Variants in SLC30A8 observed in about 807,000 individuals in gnomAD.
SLC30A8 encodes the protein solute carrier family 30 member 8, also known as proton-coupled zinc antiporter SLC30A8.
In SLC30A8, 27 loss-of-function variants were observed where a neutral mutation model predicts 36.9. That is an observed-to-expected ratio of 0.73 (90% CI 0.54 to 1.01). The LOEUF is 1.01. Among genes scored for constraint, SLC30A8 ranks in the 50% least tolerant of loss-of-function variants. The pLI, the probability that SLC30A8 is intolerant of heterozygous loss-of-function variation, is 0.00. For synonymous variants in SLC30A8, 164 were observed against 172.4 expected (o/e 0.95, Z 0.38); for missense variants, 439 against 452.0 (o/e 0.97, Z 0.26).
At chr8:117,050,861 T>TGA (rs999729554) in intron 2 of SLC30A8, among the ~76,000 whole-genome samples, 9 of 152,222 alleles carry the variant, frequency 5.9e-5, no homozygotes, top group African/African-American at 2.2e-4. Context: ...CAGGGGTCAC[T>TGA]GAGAGATACA....
chr8:117,148,562 A>C (rs1187563238), intron 2 of SLC30A8, among the ~76,000 whole-genome samples: 1 of 152,152 alleles, frequency 6.6e-6, no homozygotes, highest in African/African-American at 2.4e-5. Flanking sequence ...ATTAAACATG[A>C]GAATTGTTCT....
At chr8:117,067,918 G>C (rs1818217271) in intron 2 of SLC30A8, among the ~76,000 whole-genome samples, 1 of 152,164 alleles carries the variant, frequency 6.6e-6, no homozygotes, top group Non-Finnish European at 1.5e-5. Flanking sequence ...AGATAATGGA[G>C]TATTCTAAAT....
intron 1 of SLC30A8, among the ~76,000 whole-genome samples, chr8:117,009,362 A>G (rs1816272822): frequency 6.6e-6 from 1 of 152,224 alleles, no homozygotes; most frequent in Non-Finnish European, 1.5e-5. Flanking sequence ...GAGGGAAGAA[A>G]AAAAGACTAT....
chr8:117,090,287 G>C (rs999372789), intron 2 of SLC30A8, among the ~76,000 whole-genome samples: 1 of 152,070 alleles, frequency 6.6e-6, no homozygotes, highest in Non-Finnish European at 1.5e-5. Context: ...TTTAAGACTA[G>C]CTTTATCTAC....
At chr8:116,990,419 A>G (rs903608098) in intron 1 of SLC30A8, among the ~76,000 whole-genome samples, 5 of 152,196 alleles carry the variant, frequency 3.3e-5, no homozygotes, top group Non-Finnish European at 7.3e-5. Flanking sequence ...ACTTTCCGAT[A>G]TCATGTAGCC....
In SLC30A8 at chr8:117,005,737, C is replaced by A. The variant is rs796815349; in HGVS notation, c.-265-33482C>A. On this transcript the variant is annotated intron_variant, in intron 1 of 10. Coordinates refer to the SLC30A8 transcript ENST00000427715. Reference sequence around the variant, plus strand: ...CATCATCATATTGTTTTTACTTCTTCAACTGCTCAGTTGTCTGACTTTGAC... The same window carrying A: ...CATCATCATATTGTTTTTACTTCTTAAACTGCTCAGTTGTCTGACTTTGAC... Among the ~76,000 whole-genome samples the A allele has an allele frequency of 2.6e-5, 4 of 152,196 alleles. No homozygotes were observed. The East Asian group carries it at 7.7e-4, about 29-fold the overall frequency.
At chr8:117,076,656 C>T (rs1371627036) in intron 2 of SLC30A8, among the ~76,000 whole-genome samples, 1 of 152,144 alleles carries the variant, frequency 6.6e-6, no homozygotes, top group Non-Finnish European at 1.5e-5. Flanking sequence ...GGTTGGGATT[C>T]AGTTACTCTT....
At chr8:117,120,034 G>C (rs193272273) in intron 2 of SLC30A8, among the ~76,000 whole-genome samples, 292 of 151,908 alleles carry the variant, frequency 1.9e-3, no homozygotes, top group Non-Finnish European at 2.9e-3. Context: ...TTGTTCAAAT[G>C]TGCACACTAC....
intron 2 of SLC30A8, among the ~76,000 whole-genome samples, chr8:117,052,245 A>G (rs1021865706): frequency 2.6e-5 from 4 of 152,192 alleles, no homozygotes; most frequent in Non-Finnish European, 5.9e-5. Context: ...TCCTGACCTC[A>G]GGTTATCCAC....
At chr8:117,047,060 G>A (rs1817574798) in intron 2 of SLC30A8, among the ~76,000 whole-genome samples, 1 of 152,180 alleles carries the variant, frequency 6.6e-6, no homozygotes, top group African/African-American at 2.4e-5. Flanking sequence ...CCTTGGTTTA[G>A]TCACTGTGGA....
At position 117,157,772 on chromosome 8, in the gene SLC30A8, T is replaced by A; in HGVS notation, c.500T>A (p.Leu167Gln). 1 of 1,614,164 alleles carries A rather than the reference T, an allele frequency of 6.2e-7. No individual in the cohort carries two copies. Among genetic ancestry groups the A allele is most frequent in the African/African-American group, 1.3e-5 (1 of 75,038 alleles). ...VLVYLACERL[L>Q]YPDYQIQATV... ...GTGTACCTGGCATGTGAGCGCCTGCTGTATCCTGATTACCAGATCCAGGCG... is the reference window on the plus strand; with the variant it reads ...GTGTACCTGGCATGTGAGCGCCTGCAGTATCCTGATTACCAGATCCAGGCG... The change falls in exon 4 of 8, where the codon CTG becomes CAG. Residue 167 changes from leucine (L) to glutamine (Q), a missense_variant. Coordinates refer to ENST00000456015, the MANE Select transcript of SLC30A8 (RefSeq NM_173851.3).
Position 117,171,019 on chromosome 8 carries a change from C to G in SLC30A8, c.830-15C>G, listed in dbSNP as rs1173484744. ...AGTTGAATAACTACAGCCTCCATCTCTTCCCTTTTGTCAGGTGTGCCAAAG... is the reference window on the plus strand; with the variant it reads ...AGTTGAATAACTACAGCCTCCATCTGTTCCCTTTTGTCAGGTGTGCCAAAG... On this transcript the variant is annotated splice_polypyrimidine_tract_variant and intron_variant, in intron 6 of 7. Transcript: ENST00000456015. The G allele has an allele frequency of 1.3e-6, 2 of 1,572,578 alleles. No individual in the cohort carries two copies. The highest frequency in any genetic ancestry group is 2.4e-5 in the South Asian group (2 of 82,480).
intron 2 of SLC30A8, among the ~76,000 whole-genome samples, chr8:117,087,898 T>C (rs1323152932): frequency 6.6e-6 from 1 of 152,104 alleles, no homozygotes; most frequent in African/African-American, 2.4e-5. Context: ...CCTGTGTAGC[T>C]ATCTTACCCT....
At position 116,963,600 on chromosome 8, in the gene SLC30A8, T is replaced by A. The variant is rs533315978; in HGVS notation, c.-266+12481T>A. ...ATTGCATTAGTGCATCCTTTCTTTTTATGGCTGAATAATACTTTATTGTAT... is the reference window on the plus strand; with the variant it reads ...ATTGCATTAGTGCATCCTTTCTTTTAATGGCTGAATAATACTTTATTGTAT... On this transcript the variant is annotated intron_variant, in intron 1 of 10. Transcript: ENST00000427715. Among the ~76,000 whole-genome samples, 8 of 152,366 alleles carry A rather than the reference T, an allele frequency of 5.3e-5. No homozygotes were observed. The South Asian group carries it at 1.4e-3, about 28-fold the overall frequency.
chr8:117,018,395 TC>T (rs1192261031), intron 1 of SLC30A8: 1 of 152,316 alleles, frequency 6.6e-6, no homozygotes, highest in Non-Finnish European at 1.5e-5. Flanking sequence ...TTTATATTCT[TC>T]TTTTTTTTAC....
intron 6 of SLC30A8, among the ~76,000 whole-genome samples, chr8:117,169,588 T>C (rs1427429193): frequency 6.6e-6 from 1 of 152,152 alleles, no homozygotes; most frequent in African/African-American, 2.4e-5. Context: ...AAGAAATACC[T>C]GAGACTGGAT....
chr8:116,985,073 TA>T (rs1272794145), intron 1 of SLC30A8, among the ~76,000 whole-genome samples: 10 of 152,086 alleles, frequency 6.6e-5, no homozygotes, highest in Non-Finnish European at 2.9e-5. Context: ...CCCCAAAATA[TA>T]AAATTAAACC....
chr8:116,988,975 A>G (rs1280787703), intron 1 of SLC30A8, among the ~76,000 whole-genome samples: 1 of 152,236 alleles, frequency 6.6e-6, no homozygotes. Context: ...CACTAATACT[A>G]TGCTATGAAC....
chr8:117,023,728 G>A (rs1270927609), intron 1 of SLC30A8, among the ~76,000 whole-genome samples: 2 of 140,236 alleles, frequency 1.4e-5, no homozygotes, highest in Non-Finnish European at 3.1e-5. Context: ...TTGTGGGGTG[G>A]GGGAGGGGGG....
Sources: allele counts gnomAD v4.1 joint callset (sites outside exome capture counted in the v4.1 genomes callset), GRCh38; gene constraint gnomAD v4.1.1; transcripts MANE v1.5; gene names NCBI Gene and HGNC (gene_info 2026-07-23, HGNC 2026-07-21).